The following TNNI3K variants were observed in gnomAD, a reference collection of about 807,000 sequenced individuals.
The protein encoded by TNNI3K is serine/threonine-protein kinase TNNI3K.
TNNI3K carries 140 observed loss-of-function variants against 114.5 expected under a neutral mutation model. The observed-to-expected ratio is 1.22, with a 90% CI of 1.07 to 1.41. The LOEUF (loss-of-function observed/expected upper bound fraction) is 1.41, where lower values mean the gene tolerates loss of function less well. Ranked by LOEUF, TNNI3K falls within the 40% of genes most tolerant of loss-of-function variation. TNNI3K has a pLI of 0.00. For missense variants in TNNI3K, 1,125 were observed against 1,007.6 expected (o/e 1.12, Z -1.58); for synonymous variants, 347 against 347.5 (o/e 1.00, Z 0.02).
chr1:74,366,431 C>G (rs921731261), intron 11 of TNNI3K, among the ~76,000 whole-genome samples: 1 of 152,032 alleles, frequency 6.6e-6, no homozygotes, highest in Admixed American at 6.6e-5. Flanking sequence ...CTAGTAAACA[C>G]TAGATTGTTG....
At chr1:74,466,538 A>T (rs1220038726) in intron 21 of TNNI3K, among the ~76,000 whole-genome samples, 1 of 152,226 alleles carries the variant, frequency 6.6e-6, no homozygotes, top group East Asian at 1.9e-4. Context: ...GAAGTTTGTC[A>T]GCACGGAGTC....
chr1:74,328,614 A>G (rs1660038575), intron 5 of TNNI3K, among the ~76,000 whole-genome samples: 1 of 152,138 alleles, frequency 6.6e-6, no homozygotes, highest in Admixed American at 6.6e-5. Flanking sequence ...ATGACTCTGT[A>G]TGGTTTCATT....
intron 5 of TNNI3K, among the ~76,000 whole-genome samples, chr1:74,303,670 T>C (rs1311667818): frequency 6.6e-6 from 1 of 152,234 alleles, no homozygotes; most frequent in Non-Finnish European, 1.5e-5. Flanking sequence ...ATTTCAACTT[T>C]CAAGTTTCAT....
At chr1:74,522,921 C>G (rs1646453429) in intron 23 of TNNI3K, among the ~76,000 whole-genome samples, 1 of 152,164 alleles carries the variant, frequency 6.6e-6, no homozygotes, top group South Asian at 2.1e-4. Flanking sequence ...GATCAGAAGC[C>G]TACACTTCTA....
intron 11 of TNNI3K, among the ~76,000 whole-genome samples, chr1:74,365,290 C>T (rs974068289): frequency 6.6e-6 from 1 of 152,038 alleles, no homozygotes; most frequent in Admixed American, 6.6e-5. Context: ...GGCTCCCCAT[C>T]TCGCCTACCC....
chr1:74,392,811 C>T (rs1477524797), intron 17 of TNNI3K, among the ~76,000 whole-genome samples: 1 of 152,190 alleles, frequency 6.6e-6, no homozygotes, highest in East Asian at 1.9e-4. Context: ...AAAGGAGCTA[C>T]ATTAATGAGA....
At chr1:74,364,943 A>C (rs1400727298) in intron 11 of TNNI3K, among the ~76,000 whole-genome samples, 1 of 152,108 alleles carries the variant, frequency 6.6e-6, no homozygotes, top group African/African-American at 2.4e-5. Context: ...ATTATAAGAT[A>C]ATAAATTTGT....
intron 11 of TNNI3K, among the ~76,000 whole-genome samples, chr1:74,358,927 A>T (rs1661804860): frequency 6.6e-6 from 1 of 151,980 alleles, no homozygotes; most frequent in Admixed American, 6.6e-5. Flanking sequence ...TCTTTTACAG[A>T]TGCATATATA....
At chr1:74,511,914 G>A (rs540112267) in intron 23 of TNNI3K, among the ~76,000 whole-genome samples, 9 of 152,282 alleles carry the variant, frequency 5.9e-5, no homozygotes, top group East Asian at 1.9e-4. Context: ...TTGAGTGTGG[G>A]TAGAGCAGAA....
At chr1:74,449,480 A>G (rs887943640) in intron 20 of TNNI3K, among the ~76,000 whole-genome samples, 1 of 151,858 alleles carries the variant, frequency 6.6e-6, no homozygotes, top group African/African-American at 2.4e-5. Flanking sequence ...AAGAGTCAAG[A>G]CCCATCAGTG....
intron 5 of TNNI3K, among the ~76,000 whole-genome samples, chr1:74,314,908 G>A (rs1036562063): frequency 2.0e-5 from 3 of 151,998 alleles, no homozygotes; most frequent in African/African-American, 7.2e-5. Context: ...TTAGGAAATA[G>A]GTCAAAGGAA....
intron 17 of TNNI3K, chr1:74,373,319 C>G (rs1386618591): frequency 6.6e-6 from 1 of 151,926 alleles, no homozygotes; most frequent in Non-Finnish European, 1.5e-5. Flanking sequence ...GTTTGAAGAA[C>G]AGGCATTAAT....
intron 11 of TNNI3K, among the ~76,000 whole-genome samples, chr1:74,363,133 G>A (rs998088558): frequency 5.9e-5 from 9 of 152,052 alleles, no homozygotes. Context: ...ATTATCAGGA[G>A]TTTGGCTTAA....
intron 9 of TNNI3K, among the ~76,000 whole-genome samples, chr1:74,346,566 C>T (rs1312691467): frequency 1.3e-5 from 2 of 151,568 alleles, no homozygotes; most frequent in East Asian, 1.9e-4. Flanking sequence ...CATATATCCA[C>T]ATTTTAATTT....
chr1:74,442,075 C>T (rs1666398080), intron 20 of TNNI3K, among the ~76,000 whole-genome samples: 1 of 151,846 alleles, frequency 6.6e-6, no homozygotes. Context: ...AGAAGTCTTA[C>T]AGGTTTAGGT....
Position 74,436,100 on chromosome 1 carries a change from A to G in TNNI3K, c.1793A>G (p.Glu598Gly), listed in dbSNP as rs747955097. The G allele has an allele frequency of 1.9e-6, 3 of 1,598,642 alleles. No homozygotes were observed. In the Admixed American group the frequency reaches 5.2e-5, roughly 27 times the overall value. Residue 598 changes from glutamate to glycine, a missense_variant, in exon 18 of 25, where the codon GAG becomes GGG. Coordinates refer to ENST00000326637, the MANE Select transcript of TNNI3K (RefSeq NM_015978.3). ...TACAGTCACAATATTCTTCTCTATGAGGATGGGCATGCTGTGGTGGCAGAT... is the reference window on the plus strand; with the variant it reads ...TACAGTCACAATATTCTTCTCTATGGGGATGGGCATGCTGTGGTGGCAGAT... ...DLNSHNILLY[E>G]DGHAVVADFG...
rs1485120082 is a variant in TNNI3K, at chr1:74,343,085, A to G, written c.838A>G (p.Asn280Asp). ...GDTPLHLACY[N>D]GKFEVAKEII... is the part of the protein sequence containing the mutation. ...TTTCTTCAAATCTAGGGCATGCTACAATGGCAAATTTGAAGTTGCCAAGGA... is the reference window on the plus strand; with the variant it reads ...TTTCTTCAAATCTAGGGCATGCTACGATGGCAAATTTGAAGTTGCCAAGGA... Residue 280 changes from asparagine to aspartate, a missense_variant, in exon 9 of 25, where the codon AAT (asparagine) becomes GAT (aspartate). Transcript: ENST00000326637. 6.8e-6 allele frequency: 11 copies of G among 1,613,494 alleles called. No individual in the cohort carries two copies. The East Asian group carries it at 2.5e-4, about 36-fold the overall frequency.
intron 20 of TNNI3K, among the ~76,000 whole-genome samples, chr1:74,446,052 C>T (rs1461075904): frequency 6.6e-6 from 1 of 151,826 alleles, no homozygotes; most frequent in Non-Finnish European, 1.5e-5. Context: ...TGGGTATATA[C>T]CCAGTAATGG....
chr1:74,333,448 C>T (rs189313073), intron 6 of TNNI3K, among the ~76,000 whole-genome samples: 268 of 152,318 alleles, frequency 1.8e-3, no homozygotes, highest in African/African-American at 5.9e-3. Flanking sequence ...TAGAGTCATC[C>T]TCTTTGACGA....
Sources: allele counts gnomAD v4.1 joint callset (sites outside exome capture counted in the v4.1 genomes callset), GRCh38; gene constraint gnomAD v4.1.1; transcripts MANE v1.5; gene names NCBI Gene and HGNC (gene_info 2026-07-23, HGNC 2026-07-21).